MYO18B: variants seen among roughly 807,000 people sequenced by gnomAD.
MYO18B encodes the protein myosin XVIIIB.
A neutral mutation model predicts 273.0 loss-of-function variants in MYO18B; 204 were observed. That is an observed-to-expected ratio of 0.75 (90% CI 0.67 to 0.84). MYO18B has a LOEUF of 0.84. Among genes scored for constraint, MYO18B ranks in the 40% least tolerant of loss-of-function variants. The pLI, the probability that MYO18B is intolerant of heterozygous loss-of-function variation, is 0.00. For missense variants in MYO18B, 3,212 were observed against 3,287.6 expected, an observed-to-expected ratio of 0.98 and a Z score of 0.56; for synonymous variants, 1,330 against 1,305.7, an observed-to-expected ratio of 1.02 and a Z score of -0.40.
At chr22:25,832,254 G>A (rs540803220) in intron 15 of MYO18B, among the ~76,000 whole-genome samples, 2 of 152,208 alleles carry the variant, frequency 1.3e-5, no homozygotes, top group East Asian at 3.9e-4. Flanking sequence ...CCATGTCTGG[G>A]TATGTACTGA....
Position 25,770,907 on chromosome 22 carries a change from C to T in MYO18B, c.1615C>T (p.Leu539=). The change falls in exon 6 of 44, where the codon CTG becomes TTG. Residue 539 remains leucine, a synonymous_variant. Transcript: ENST00000335473. ...VLKPDEGTAD[L]PAGRVRLWID... ...AAAGCCAGATGAGGGAACAGCAGAC[C>T]TGCCAGCAGGAAGGGTGAGACTTTG... 1.3e-6 allele frequency: 2 copies of T among 1,552,128 alleles called. No homozygotes were observed. The highest frequency in any genetic ancestry group is 4.9e-5 in the East Asian group (2 of 40,920).
chr22:26,032,849 TG>T (rs909305152), downstream of MYO18B, among the ~76,000 whole-genome samples: 2 of 152,046 alleles, frequency 1.3e-5, no homozygotes, highest in Non-Finnish European at 2.9e-5. Flanking sequence ...TTGTAAGGTA[TG>T]GGGGGTTAGA....
At chr22:25,849,731 C>G (rs2090367039) in intron 20 of MYO18B, among the ~76,000 whole-genome samples, 1 of 152,126 alleles carries the variant, frequency 6.6e-6, no homozygotes, top group South Asian at 2.1e-4. Context: ...CAGGAAATTC[C>G]CTAGAGCTTA....
rs150421268 is a variant in MYO18B at position 25,882,698 on chromosome 22, C to T, written c.4314+4650C>T. 1.4e-3 allele frequency among the ~76,000 whole-genome samples: 210 copies of T among 152,294 alleles called. 1 individual carries two copies. Among genetic ancestry groups the T allele is most frequent in the Middle Eastern group, 0.01 (3 of 294 alleles). ...CTCTTCCTTCCCACTTCATCTTCCC[C>T]AACTTCCAGTGCTACTACTGGTTTA... On this transcript the variant is annotated intron_variant, in intron 25 of 43. Coordinates refer to ENST00000335473, the MANE Select transcript of MYO18B (RefSeq NM_032608.7).
chr22:25,851,847 G>T (rs1244889580), intron 21 of MYO18B, among the ~76,000 whole-genome samples: 1 of 152,180 alleles, frequency 6.6e-6, no homozygotes, highest in Non-Finnish European at 1.5e-5. Context: ...GACCATGGGG[G>T]CAGTGCTGAG....
At chr22:25,941,497 G>A (rs753830382) in intron 34 of MYO18B, among the ~76,000 whole-genome samples, 18 of 152,196 alleles carry the variant, frequency 1.2e-4, no homozygotes, top group Non-Finnish European at 2.5e-4. Context: ...GGCCAGTGTT[G>A]CGCCACTGAA....
Position 25,895,194 on chromosome 22 carries a change from G to A in MYO18B, c.4582G>A (p.Glu1528Lys), listed in dbSNP as rs765252929. Reference protein sequence around the residue: ...WQMRFDCAQMENEFLRKRLQQ... With the variant: ...WQMRFDCAQMKNEFLRKRLQQ... Reference sequence around the variant, plus strand: ...GATGCGCTTCGACTGTGCTCAGATGGAGAACGAGTTCCTCAGAAAGCGTCT... The same window carrying A: ...GATGCGCTTCGACTGTGCTCAGATGAAGAACGAGTTCCTCAGAAAGCGTCT... The change falls in exon 28 of 44, where the codon GAG becomes AAG. Residue 1528 changes from glutamate (E) to lysine (K), a missense_variant. By Grantham distance (56) the Glu-to-Lys change is moderately conservative (BLOSUM62 1). Coordinates refer to ENST00000335473, the MANE Select transcript of MYO18B (RefSeq NM_032608.7). The A allele has an allele frequency of 1.4e-5, 22 of 1,611,988 alleles. No homozygotes were observed. In the East Asian group the frequency reaches 4.9e-4, roughly 36 times the overall value.
At position 25,916,046 on chromosome 22, in the gene MYO18B, T is replaced by C. The variant is rs564632943; in HGVS notation, c.5364+4996T>C. On this transcript the variant is annotated intron_variant, in intron 33 of 43. Coordinates refer to ENST00000335473, the MANE Select transcript of MYO18B (RefSeq NM_032608.7). ...TAATTGAACACAAATTCAGGTATTA[T>C]TCTTTTCCTTATTGAGTGAACTTTG... Among the ~76,000 whole-genome samples, 3 of 152,340 alleles carry C rather than the reference T, an allele frequency of 2.0e-5. No individual in the cohort carries two copies. The East Asian group carries it at 5.8e-4, about 29-fold the overall frequency.
At chr22:25,820,965 C>T (rs576373857) in intron 12 of MYO18B, among the ~76,000 whole-genome samples, 3 of 152,320 alleles carry the variant, frequency 2.0e-5, no homozygotes, top group Non-Finnish European at 2.9e-5. Context: ...TTTCACTTAA[C>T]GTCCTCCAGT....
chr22:25,950,540 G>GTGTGTGTGTA (rs2092780389), intron 37 of MYO18B, 90 bp downstream of exon 37: 13 of 728,126 alleles, frequency 1.8e-5, no homozygotes, highest in Middle Eastern at 3.8e-4. Flanking sequence ...GTGTGTGTGT[G>GTGTGTGTGTA]TGTGTGTGTG....
rs1009990914 is a variant in MYO18B, at chr22:25,883,985, A to G, written c.4314+5937A>G. The stretch of plus-strand genomic sequence containing the variant: ...GAAGCACCTGTAAGGTTTTGGGACC[A>G]CATGGGATATAAAATGAGGTGGGGT... On this transcript the variant is annotated intron_variant, in intron 25 of 43. Transcript: ENST00000335473. This position sits in a 1 kb window ranked among gnomAD's most constrained non-coding sequence, Gnocchi z 7.6. 2.0e-5 allele frequency among the ~76,000 whole-genome samples: 3 copies of G among 152,150 alleles called. No individual in the cohort carries two copies. The highest frequency in any genetic ancestry group is 7.2e-5 in the African/African-American group (3 of 41,436).
At chr22:26,031,749 G>A (rs1025989204), downstream of MYO18B, among the ~76,000 whole-genome samples, 1 of 152,158 alleles carries the variant, frequency 6.6e-6, no homozygotes, top group African/African-American at 2.4e-5. Context: ...GGAGGAGGAT[G>A]GGGCAGGAGG....
chr22:25,785,616 T>G, intron 11 of MYO18B, 125 bp downstream of exon 11: 1 of 989,368 alleles, frequency 1.0e-6, no homozygotes, highest in Non-Finnish European at 1.5e-6. Context: ...GGGTTGGTCA[T>G]GTGGAAGAGT....
At chr22:26,038,344 G>T in the MYO18B span, among the ~76,000 whole-genome samples, 1 of 152,166 alleles carries the variant, frequency 6.6e-6, no homozygotes, top group Admixed American at 6.5e-5. Flanking sequence ...AGCTGTATGG[G>T]TGGGCAAGGT....
At chr22:25,784,689 T>C (rs778362606) in intron 10 of MYO18B, among the ~76,000 whole-genome samples, 4 of 152,170 alleles carry the variant, frequency 2.6e-5, no homozygotes, top group Non-Finnish European at 4.4e-5. Flanking sequence ...ACAATGCTTT[T>C]GTGAGTAGAG....
At chr22:25,953,915 T>C (rs2092819873) in intron 38 of MYO18B, among the ~76,000 whole-genome samples, 1 of 152,218 alleles carries the variant, frequency 6.6e-6, no homozygotes, top group Non-Finnish European at 1.5e-5. Flanking sequence ...CCACTCTTCC[T>C]GCTGTTCTTG....
intron 34 of MYO18B, among the ~76,000 whole-genome samples, chr22:25,928,123 G>A (rs1465040932): frequency 6.6e-6 from 1 of 152,122 alleles, no homozygotes; most frequent in Non-Finnish European, 1.5e-5. Flanking sequence ...GGGGTTAAAA[G>A]GGCAGAGAGG....
chr22:26,024,697 T>C (rs928841548), intron 42 of MYO18B, among the ~76,000 whole-genome samples: 4 of 152,154 alleles, frequency 2.6e-5, no homozygotes, highest in African/African-American at 9.7e-5. Flanking sequence ...GCCATGGCGA[T>C]CTCACACAGG....
intron 39 of MYO18B, among the ~76,000 whole-genome samples, chr22:25,968,454 T>C (rs996876312): frequency 1.3e-5 from 2 of 152,158 alleles, no homozygotes; most frequent in African/African-American, 2.4e-5. Flanking sequence ...GGGCCTTGAC[T>C]CTTGCAGAGA....
Sources: gnomAD v4.1 joint callset for allele counts (sites outside exome capture counted in the v4.1 genomes callset) on GRCh38, gnomAD v4.1.1 for gene constraint, Gnocchi (gnomAD v3.1) non-coding constraint, MANE v1.5 for transcripts, NCBI Gene and HGNC (gene_info 2026-07-23, HGNC 2026-07-21) for gene names.